ELAPOR1: variants seen among roughly 807,000 people sequenced by gnomAD.
ELAPOR1 encodes endosome/lysosome-associated apoptosis and autophagy regulator 1.
ELAPOR1 carries 77 observed loss-of-function variants against 119.7 expected under a neutral mutation model. The observed-to-expected ratio is 0.64, with a 90% CI of 0.54 to 0.78. The LOEUF (loss-of-function observed/expected upper bound fraction) is 0.78, where lower values mean the gene tolerates loss of function less well. Ranked by LOEUF, ELAPOR1 falls within the 30% of genes least tolerant of loss-of-function variation. ELAPOR1 has a pLI of 0.00. For synonymous variants in ELAPOR1, 481 were observed against 487.2 expected, an observed-to-expected ratio of 0.99 and a Z score of 0.17; for missense variants, 1,115 against 1,270.4, an observed-to-expected ratio of 0.88 and a Z score of 1.86.
At chr1:109,138,570 CCAGCAG>C (rs71069652) in intron 1 of ELAPOR1, among the ~76,000 whole-genome samples, 5 of 151,074 alleles carry the variant, frequency 3.3e-5, no homozygotes, top group African/African-American at 9.7e-5. Flanking sequence ...TCCCTCCCCA[CCAGCAG>C]CAGCAGCAGC....
chr1:109,171,024 G>A (rs1018918333), intron 3 of ELAPOR1, among the ~76,000 whole-genome samples: 14 of 152,188 alleles, frequency 9.2e-5, no homozygotes, highest in Admixed American at 8.5e-4. Flanking sequence ...GTGGATGTCT[G>A]AGTTCTGAAG....
intron 17 of ELAPOR1, 66 bp downstream of exon 17, chr1:109,198,141 C>A: frequency 1.0e-5 from 13 of 1,268,558 alleles, no homozygotes; most frequent in Non-Finnish European, 1.5e-5. Flanking sequence ...CTGCTGCATC[C>A]CTCCCTCTCT....
Position 109,200,843 on chromosome 1 carries a change from C to A in ELAPOR1, c.2916C>A (p.Asp972Glu), listed in dbSNP as rs1654124497. 3 of 1,614,052 alleles carry A rather than the reference C, an allele frequency of 1.9e-6. No individual in the cohort carries two copies. The highest frequency in any genetic ancestry group is 1.3e-5 in the African/African-American group (1 of 74,896). Residue 972 changes from aspartate (D) to glutamate (E), a missense_variant, in exon 21 of 22, where the codon GAC (aspartate) becomes GAA (glutamate). Physicochemically the swap from Asp to Glu is conservative, Grantham distance 45 (BLOSUM62 2). Transcript: ENST00000369939. ...AIMEGEDVED[D>E]LIFTSKKSLF... is the part of the protein sequence containing the mutation. ...TGGAAGGCGAGGATGTAGAGGACGA[C>A]CTCATCTTTACCAGCAAGAAGTCAC...
At position 109,188,370 on chromosome 1, in the gene ELAPOR1, C is replaced by T. The variant is rs760583291; in HGVS notation, c.1219+16C>T. 5.2e-5 allele frequency: 83 copies of T among 1,599,718 alleles called. 1 individual carries two copies. In the East Asian group the frequency reaches 1.9e-3, roughly 36 times the overall value. ...AATGGCTCAGGTAACCTCCTCACCACCCCACTCTCTGCAGCACATCGACTG... is the reference window on the plus strand; with the variant it reads ...AATGGCTCAGGTAACCTCCTCACCATCCCACTCTCTGCAGCACATCGACTG... On this transcript the variant is annotated intron_variant, in intron 9 of 21. Transcript: ENST00000369939.
intron 1 of ELAPOR1, among the ~76,000 whole-genome samples, chr1:109,160,305 TAAA>T (rs796974154): frequency 7.8e-6 from 1 of 127,734 alleles, no homozygotes. Flanking sequence ...AGAGACTGTC[TAAA>T]AAAAAAAAAA....
Position 109,188,253 on chromosome 1 carries a change from C to T in ELAPOR1, c.1118C>T (p.Ser373Phe). The change falls in exon 9 of 22, where the codon TCT becomes TTT. Residue 373 changes from serine to phenylalanine, a missense_variant. Coordinates refer to ENST00000369939, the MANE Select transcript of ELAPOR1 (RefSeq NM_020775.5). The stretch of plus-strand genomic sequence containing the variant: ...GAGGGGGCAGTGAAGCTGCCTGCCT[C>T]TGGTGTGAAGACCCACTGCCCACCC... ...DLEGAVKLPA[S>F]GVKTHCPPCN... 1.2e-6 allele frequency: 2 copies of T among 1,614,208 alleles called. No individual in the cohort carries two copies. The highest frequency in any genetic ancestry group is 1.7e-6 in the Non-Finnish European group (2 of 1,180,012).
chr1:109,154,754 GTCT>G (rs758854516), intron 1 of ELAPOR1, among the ~76,000 whole-genome samples: 13 of 152,336 alleles, frequency 8.5e-5, no homozygotes, highest in Non-Finnish European at 1.8e-4. Flanking sequence ...AGTCATCCGT[GTCT>G]TCTTAGCTCT....
At chr1:109,164,715 C>T (rs1442988975) in intron 3 of ELAPOR1, 24 bp downstream of exon 3, 5 of 1,591,742 alleles carry the variant, frequency 3.1e-6, no homozygotes, top group Admixed American at 3.4e-5. Context: ...CACCCCCACC[C>T]CACCCCCAGC....
chr1:109,130,923 T>C (rs930487212), intron 1 of ELAPOR1, among the ~76,000 whole-genome samples: 3 of 152,150 alleles, frequency 2.0e-5, no homozygotes, highest in Non-Finnish European at 4.4e-5. Context: ...GGATCACTTG[T>C]GCCCAGGAGT....
intron 10 of ELAPOR1, 133 bp downstream of exon 10, chr1:109,189,327 C>T: frequency 1.7e-6 from 2 of 1,166,290 alleles, no homozygotes; most frequent in Admixed American, 2.2e-5. Context: ...TTGAAAGTTC[C>T]ACTCCTCATG....
At chr1:109,201,241 GGGAAAA>G in intron 21 of ELAPOR1, 1 of 460,184 alleles carries the variant, frequency 2.2e-6, no homozygotes, top group South Asian at 1.6e-5. Flanking sequence ...TCACTGAAAA[GGGAAAA>G]GGTGATCTCT....
intron 1 of ELAPOR1, among the ~76,000 whole-genome samples, chr1:109,152,813 G>A (rs938605115): frequency 6.6e-6 from 1 of 151,626 alleles, no homozygotes; most frequent in Non-Finnish European, 1.5e-5. Flanking sequence ...AGGCATGGTG[G>A]TGCATGCCTG....
At position 109,118,093 on chromosome 1, in the gene ELAPOR1, C is replaced by G. The variant is rs559546831; in HGVS notation, c.153+3757C>G. Reference sequence around the variant, plus strand: ...AGTGAACTGAGATTACGCCATTGTACTCCAGCCTGGGCGACAAGAATGAAA... The same window carrying G: ...AGTGAACTGAGATTACGCCATTGTAGTCCAGCCTGGGCGACAAGAATGAAA... On this transcript the variant is annotated intron_variant, in intron 1 of 21. Transcript: ENST00000369939. Among the ~76,000 whole-genome samples, 840 of 151,736 alleles carry G rather than the reference C, an allele frequency of 5.5e-3. 7 individuals are homozygous for G. Among genetic ancestry groups the G allele is most frequent in the African/African-American group, 0.019 (779 of 41,342 alleles).
intron 7 of ELAPOR1, among the ~76,000 whole-genome samples, chr1:109,181,430 T>C (rs1652691601): frequency 6.6e-6 from 1 of 152,120 alleles, no homozygotes; most frequent in African/African-American, 2.4e-5. Context: ...CTTAAACACT[T>C]TGATGAAACC....
chr1:109,173,676 CCT>C lies in ELAPOR1; in HGVS notation c.803-10_803-9del. On this transcript the variant is annotated splice_polypyrimidine_tract_variant and intron_variant, in intron 6 of 21. Transcript: ENST00000369939. ...TGAATCCTTGCTTTTCTGTGCTCTT[CCT>C]CCTCCCTAGGGGTGGCCTACACTTC... 3 of 1,613,708 alleles carry C rather than the reference CCT, an allele frequency of 1.9e-6. No homozygotes were observed. The highest frequency in any genetic ancestry group is 2.2e-5 in the South Asian group (2 of 91,046).
chr1:109,199,751 G>C, intron 18 of ELAPOR1, 103 bp from the exon 19 acceptor site: 2 of 1,363,292 alleles, frequency 1.5e-6, no homozygotes, highest in South Asian at 2.6e-5. Context: ...GGTTTGGGCA[G>C]GGAGAGGGTA....
At chr1:109,183,556 C>CCTT (rs1652855460) in intron 7 of ELAPOR1, among the ~76,000 whole-genome samples, 1 of 3,558 alleles carries the variant, frequency 2.8e-4, no homozygotes, top group Non-Finnish European at 2.7e-3. Flanking sequence ...TCTTTTCCTT[C>CCTT]CTTCCTTCCT....
At chr1:109,197,040 C>T (rs1369677995) in intron 15 of ELAPOR1, among the ~76,000 whole-genome samples, 1 of 151,760 alleles carries the variant, frequency 6.6e-6, no homozygotes, top group East Asian at 1.9e-4. Flanking sequence ...AGTGGCTCAC[C>T]CCTGTAATCC....
At position 109,129,102 on chromosome 1, in the gene ELAPOR1, A is replaced by AT. The variant is rs1234646340; in HGVS notation, c.153+14771dup. On this transcript the variant is annotated intron_variant, in intron 1 of 21. Transcript: ENST00000369939. ...TTTGTCATGTTTTTACCAAATAGTT[A>AT]TTTTTCCTCTTATAGTTTTAATTTT... Among the ~76,000 whole-genome samples, 12 of 152,170 alleles carry AT rather than the reference A, an allele frequency of 7.9e-5. 1 individual carries two copies. The highest frequency in any genetic ancestry group is 2.9e-4 in the African/African-American group (12 of 41,534).
Sources: allele counts gnomAD v4.1 joint callset (sites outside exome capture counted in the v4.1 genomes callset), GRCh38; gene constraint gnomAD v4.1.1; transcripts MANE v1.5; gene names NCBI Gene and HGNC (gene_info 2026-07-23, HGNC 2026-07-21).